Variants in MAPK8 observed in about 807,000 individuals in gnomAD.
The protein encoded by MAPK8 is JUN N-terminal kinase.
Under a neutral mutation model 52.9 loss-of-function variants are expected in MAPK8, and 13 were observed. That is an observed-to-expected ratio of 0.25 (90% CI 0.16 to 0.39). The LOEUF is 0.39. MAPK8 is among the 10% of genes least tolerant of loss of function. The pLI, the probability that MAPK8 is intolerant of heterozygous loss-of-function variation, is 1.00. For synonymous variants in MAPK8, 191 were observed against 169.8 expected, an observed-to-expected ratio of 1.12 and a Z score of -0.97; for missense variants, 300 against 519.2, an observed-to-expected ratio of 0.58 and a Z score of 4.10.
chr10:48,423,975 T>C, intron 6 of MAPK8, 113 bp from the exon 7 acceptor site: 1 of 618,946 alleles, frequency 1.6e-6, no homozygotes, highest in Non-Finnish European at 2.7e-6. Flanking sequence ...TACAATCACT[T>C]TTTTTCTTTT....
chr10:48,420,418 T>C (rs2043287651), intron 6 of MAPK8, 98 bp downstream of exon 6: 2 of 1,135,160 alleles, frequency 1.8e-6, no homozygotes. Flanking sequence ...GTACGTTGAG[T>C]TAAATGTGTA....
intron 1 of MAPK8, among the ~76,000 whole-genome samples, chr10:48,328,455 A>T (rs1396589107): frequency 6.6e-6 from 1 of 152,066 alleles, no homozygotes; most frequent in East Asian, 1.9e-4. Context: ...TGCTGTGTCC[A>T]TTTTGATCTG....
At chr10:48,415,661 G>A (rs961649618) in intron 5 of MAPK8, among the ~76,000 whole-genome samples, 1 of 152,098 alleles carries the variant, frequency 6.6e-6, no homozygotes, top group African/African-American at 2.4e-5. Context: ...TATTTAATGA[G>A]ATAAAGTTGA....
At chr10:48,417,809 G>A (rs1299532074) in intron 5 of MAPK8, among the ~76,000 whole-genome samples, 1 of 152,138 alleles carries the variant, frequency 6.6e-6, no homozygotes, top group African/African-American at 2.4e-5. Context: ...TTTCCAAAAT[G>A]GCAAGACCCT....
intron 1 of MAPK8, among the ~76,000 whole-genome samples, chr10:48,374,947 T>C (rs965433108): frequency 6.6e-6 from 1 of 152,116 alleles, no homozygotes; most frequent in Non-Finnish European, 1.5e-5. Flanking sequence ...AAACAAAATT[T>C]CAGGCCAATA....
At chr10:48,392,848 A>T (rs958079871) in intron 1 of MAPK8, among the ~76,000 whole-genome samples, 12 of 152,178 alleles carry the variant, frequency 7.9e-5, no homozygotes, top group Non-Finnish European at 1.5e-5. Flanking sequence ...CTAAAGAAGT[A>T]GCTATATCCA....
At chr10:48,391,967 C>T (rs1470996449) in intron 1 of MAPK8, among the ~76,000 whole-genome samples, 1 of 152,148 alleles carries the variant, frequency 6.6e-6, no homozygotes, top group Non-Finnish European at 1.5e-5. Context: ...TCCCAGGGCA[C>T]GCCATCTTCC....
At chr10:48,320,792 A>G (rs138331767) in intron 1 of MAPK8, among the ~76,000 whole-genome samples, 43 of 152,308 alleles carry the variant, frequency 2.8e-4, no homozygotes, top group African/African-American at 1.0e-3. Flanking sequence ...ATTTTGAAGA[A>G]CTGCCAAACT....
intron 2 of MAPK8, among the ~76,000 whole-genome samples, chr10:48,403,917 T>TTG (rs71465463): frequency 0.071 from 8,882 of 125,636 alleles, 391 homozygotes; most frequent in African/African-American, 0.15. Flanking sequence ...CCCGGCTAAT[T>TTG]TGTGTGTGTG....
chr10:48,388,203 G>A (rs1038969772), intron 1 of MAPK8, among the ~76,000 whole-genome samples: 1 of 152,138 alleles, frequency 6.6e-6, no homozygotes, highest in Non-Finnish European at 1.5e-5. Context: ...TACTAATCGT[G>A]TATTTGTTGT....
At chr10:48,418,790 A>T (rs1051401740) in intron 5 of MAPK8, among the ~76,000 whole-genome samples, 1 of 152,094 alleles carries the variant, frequency 6.6e-6, no homozygotes, top group Non-Finnish European at 1.5e-5. Flanking sequence ...TTTTTTGACA[A>T]TTTTTTTGCT....
chr10:48,408,050 C>A (rs560366840), intron 3 of MAPK8, among the ~76,000 whole-genome samples: 1 of 152,202 alleles, frequency 6.6e-6, no homozygotes, highest in African/African-American at 2.4e-5. Context: ...ATTCACTGAA[C>A]AAATATTTAA....
rs145104934 is a variant in MAPK8 at position 48,333,541 on chromosome 10, C to T, written c.-50+26720C>T. Among the ~76,000 whole-genome samples, 23 of 152,322 alleles carry T rather than the reference C, an allele frequency of 1.5e-4. 1 individual carries two copies. The East Asian group carries it at 4.0e-3, about 27-fold the overall frequency. ...GTTAGAAACAGGTGGAATGGGTTCT[C>T]TAAAGATGGGAGGGCCAGGGCTGTA... On this transcript the variant is annotated intron_variant, in intron 1 of 11. Coordinates refer to ENST00000374189, the MANE Select transcript of MAPK8 (RefSeq NM_001323329.2).
chr10:48,318,353 A>G (rs1193280393), intron 1 of MAPK8, among the ~76,000 whole-genome samples: 1 of 152,184 alleles, frequency 6.6e-6, no homozygotes, highest in East Asian at 1.9e-4. Flanking sequence ...TTAGTGTTTG[A>G]ATAACTGGGT....
chr10:48,400,314 C>A (rs1029788476), intron 1 of MAPK8, among the ~76,000 whole-genome samples: 1 of 151,964 alleles, frequency 6.6e-6, no homozygotes, highest in South Asian at 2.1e-4. Context: ...AAGTCTAATT[C>A]CTCATTTGTT....
chr10:48,364,938 A>G (rs954684820), intron 1 of MAPK8, among the ~76,000 whole-genome samples: 2 of 152,124 alleles, frequency 1.3e-5, no homozygotes, highest in African/African-American at 4.8e-5. Flanking sequence ...TATAAAATTG[A>G]TTTTTCCAGA....
At chr10:48,404,687 ATG>A (rs1311598167) in intron 2 of MAPK8, among the ~76,000 whole-genome samples, 163 bp from the exon 3 acceptor site, 3 of 152,172 alleles carry the variant, frequency 2.0e-5, no homozygotes, top group Non-Finnish European at 4.4e-5. Flanking sequence ...AAAAAAATAT[ATG>A]TTGTAATAGA....
intron 10 of MAPK8, chr10:48,430,549 A>C (rs1308747643): frequency 6.6e-6 from 1 of 152,588 alleles, no homozygotes; most frequent in Admixed American, 6.5e-5. Flanking sequence ...CAGTTGGAAC[A>C]GTTGTTGCAG....
intron 1 of MAPK8, among the ~76,000 whole-genome samples, chr10:48,320,553 A>G (rs1588927701): frequency 6.6e-6 from 1 of 152,064 alleles, no homozygotes; most frequent in African/African-American, 2.4e-5. Flanking sequence ...ATTTCTTTTT[A>G]TGGTGAAATA....
Sources: gnomAD v4.1 joint callset for allele counts (sites outside exome capture counted in the v4.1 genomes callset) on GRCh38, gnomAD v4.1.1 for gene constraint, MANE v1.5 for transcripts, NCBI Gene and HGNC (gene_info 2026-07-23, HGNC 2026-07-21) for gene names.